The following VWA8 variants were observed in gnomAD, a reference collection of about 807,000 sequenced individuals.
VWA8 encodes the protein von Willebrand factor A domain containing 8, also known as von Willebrand factor A domain-containing protein 8.
A neutral mutation model predicts 241.5 loss-of-function variants in VWA8; 221 were observed. The ratio of observed to expected loss-of-function variants is 0.91; its 90% CI spans 0.82 to 1.02. The LOEUF (loss-of-function observed/expected upper bound fraction) is 1.02, where lower values mean the gene tolerates loss of function less well. Among genes scored for constraint, VWA8 ranks in the 50% least tolerant of loss-of-function variants. The pLI, the probability that VWA8 is intolerant of heterozygous loss-of-function variation, is 0.00. For missense variants in VWA8, 2,322 were observed against 2,328.7 expected (o/e 1.00, Z 0.06); for synonymous variants, 852 against 827.1 (o/e 1.03, Z -0.52).
intron 21 of VWA8, among the ~76,000 whole-genome samples, chr13:41,743,694 T>C (rs1385654638): frequency 6.6e-6 from 1 of 152,240 alleles, no homozygotes; most frequent in Admixed American, 6.5e-5. Flanking sequence ...AATATTTATA[T>C]CATTTTCACT....
At chr13:41,763,348 GATAA>G (rs2045756184) in intron 20 of VWA8, among the ~76,000 whole-genome samples, 3 of 149,770 alleles carry the variant, frequency 2.0e-5, no homozygotes, top group African/African-American at 7.4e-5. Flanking sequence ...TAGATAGATA[GATAA>G]AGTGGGATAA....
intron 4 of VWA8, among the ~76,000 whole-genome samples, chr13:41,896,175 A>G (rs1344367683): frequency 6.6e-6 from 1 of 152,136 alleles, no homozygotes; most frequent in Admixed American, 6.5e-5. Flanking sequence ...GAGATTTGAT[A>G]TAACTCTCTC....
At chr13:41,737,659 A>C (rs957053819) in intron 21 of VWA8, among the ~76,000 whole-genome samples, 2 of 152,240 alleles carry the variant, frequency 1.3e-5, no homozygotes, top group African/African-American at 2.4e-5. Flanking sequence ...TCTAGTTAAT[A>C]ATAGTGTTGC....
intron 40 of VWA8, among the ~76,000 whole-genome samples, chr13:41,602,366 G>A (rs1008413222): frequency 1.3e-5 from 2 of 152,034 alleles, no homozygotes; most frequent in Non-Finnish European, 2.9e-5. Context: ...GCTTTGGGCC[G>A]CACCTGCCTC....
chr13:41,917,275 G>A (rs1876304397), intron 2 of VWA8, among the ~76,000 whole-genome samples: 1 of 151,416 alleles, frequency 6.6e-6, no homozygotes, highest in South Asian at 2.1e-4. Context: ...TGTTTTCTTA[G>A]TATCCCAAAA....
intron 26 of VWA8, among the ~76,000 whole-genome samples, chr13:41,707,814 A>G (rs917234026): frequency 6.6e-6 from 1 of 152,062 alleles, no homozygotes; most frequent in Non-Finnish European, 1.5e-5. Flanking sequence ...CCTTGGTGAA[A>G]TCCTTCTTAT....
chr13:41,838,694 G>C (rs1190736717), intron 12 of VWA8, among the ~76,000 whole-genome samples: 1 of 152,068 alleles, frequency 6.6e-6, no homozygotes, highest in Non-Finnish European at 1.5e-5. Context: ...TATCTGAACA[G>C]TCTAAAATTT....
intron 2 of VWA8, among the ~76,000 whole-genome samples, chr13:41,942,214 A>G (rs1877632868): frequency 6.6e-6 from 1 of 152,220 alleles, no homozygotes; most frequent in African/African-American, 2.4e-5. Flanking sequence ...TAACACACTT[A>G]GGCATAACCA....
chr13:41,690,862 T>A (rs990708012), intron 32 of VWA8, among the ~76,000 whole-genome samples: 1 of 151,990 alleles, frequency 6.6e-6, no homozygotes, highest in African/African-American at 2.4e-5. Context: ...ATGGGTCAGA[T>A]AACATAAACA....
chr13:41,742,050 A>G (rs549275606), intron 21 of VWA8, among the ~76,000 whole-genome samples: 5 of 152,328 alleles, frequency 3.3e-5, no homozygotes, highest in African/African-American at 7.2e-5. Flanking sequence ...TTAAGGCTAC[A>G]CTTAGTTATC....
chr13:41,855,266 C>A (rs1872692600), intron 12 of VWA8, among the ~76,000 whole-genome samples: 1 of 148,970 alleles, frequency 6.7e-6, no homozygotes, highest in Non-Finnish European at 1.5e-5. Context: ...CTGTTGGCGG[C>A]AGCAAGGTAC....
intron 37 of VWA8, among the ~76,000 whole-genome samples, chr13:41,615,868 C>A (rs776211356): frequency 6.6e-6 from 1 of 152,226 alleles, no homozygotes; most frequent in African/African-American, 2.4e-5. Context: ...AGATACTACT[C>A]CACAATAAAT....
intron 34 of VWA8, among the ~76,000 whole-genome samples, chr13:41,685,735 A>C (rs1483893695): frequency 6.6e-6 from 1 of 152,134 alleles, no homozygotes; most frequent in East Asian, 1.9e-4. Flanking sequence ...AAAATAAAGT[A>C]AACATCTATA....
At chr13:41,767,982 G>A (rs1266206352) in intron 20 of VWA8, among the ~76,000 whole-genome samples, 1 of 152,234 alleles carries the variant, frequency 6.6e-6, no homozygotes, top group East Asian at 1.9e-4. Flanking sequence ...AACTAAATTG[G>A]CAGAAAGAAT....
At chr13:41,622,454 A>G (rs1417389432) in intron 37 of VWA8, among the ~76,000 whole-genome samples, 5 of 152,178 alleles carry the variant, frequency 3.3e-5, no homozygotes, top group Non-Finnish European at 7.4e-5. Context: ...AGTAATTCCA[A>G]TTACTGACAT....
intron 17 of VWA8, among the ~76,000 whole-genome samples, chr13:41,810,675 G>C (rs1870425734): frequency 6.6e-6 from 1 of 152,028 alleles, no homozygotes; most frequent in African/African-American, 2.4e-5. Context: ...CAAAAACATA[G>C]ATAGAATGAA....
At chr13:41,732,970 G>C (rs1251710513) in intron 21 of VWA8, among the ~76,000 whole-genome samples, 1 of 152,182 alleles carries the variant, frequency 6.6e-6, no homozygotes, top group African/African-American at 2.4e-5. Flanking sequence ...ATTTCCCATA[G>C]AGAATTAGAA....
At chr13:41,660,902 A>G (rs1440909717) in intron 37 of VWA8, among the ~76,000 whole-genome samples, 1 of 149,130 alleles carries the variant, frequency 6.7e-6, no homozygotes, top group Non-Finnish European at 1.5e-5. Context: ...TTTGAGACGG[A>G]GTCTCGCTCT....
chr13:41,758,398 G>GTATATATATA lies in VWA8; in HGVS notation c.2426+2720_2426+2729dup, dbSNP rs1236188354. 3.4e-3 allele frequency among the ~76,000 whole-genome samples: 85 copies of GTATATATATA among 24,988 alleles called. 3 individuals carry two copies. Among genetic ancestry groups the GTATATATATA allele is most frequent in the South Asian group, 8.2e-3 (4 of 486 alleles). 16.4% of individuals were successfully genotyped at this position (24,988 alleles called of 152,430 possible). A position where few individuals can be genotyped will look rare whatever the true frequency, so the allele number is the denominator to read the frequency against. ...TATATATATATATATATATACGCTA[G>GTATATATATA]TATATATATATATATATATATATAT... On this transcript the variant is annotated intron_variant, in intron 21 of 44. Transcript: ENST00000379310.
Sources: gnomAD v4.1 joint callset for allele counts (sites outside exome capture counted in the v4.1 genomes callset) on GRCh38, gnomAD v4.1.1 for gene constraint, MANE v1.5 for transcripts, NCBI Gene and HGNC (gene_info 2026-07-23, HGNC 2026-07-21) for gene names.